Variants in FGF2 observed in about 807,000 individuals in gnomAD.
FGF2 encodes fibroblast growth factor 2.
In FGF2, 13 loss-of-function variants were observed where a neutral mutation model predicts 15.9. The observed-to-expected ratio is 0.82, with a 90% CI of 0.53 to 1.30. The LOEUF (loss-of-function observed/expected upper bound fraction) is 1.30. FGF2 is among the 50% of genes most tolerant of loss of function. The pLI is 0.00. For missense variants in FGF2, 163 were observed against 196.9 expected (o/e 0.83, Z 1.03); for synonymous variants, 90 against 78.4 (o/e 1.15, Z -0.78).
At position 122,827,501 on chromosome 4, in the gene FGF2, G is replaced by C. The variant is rs1183951914; in HGVS notation, c.178+149G>C. 3 of 879,950 alleles carry C rather than the reference G, an allele frequency of 3.4e-6. No individual in the cohort carries two copies. The highest frequency in any genetic ancestry group is 5.4e-6 in the Non-Finnish European group (3 of 556,980). 54.5% of individuals were successfully genotyped at this position (879,950 alleles called of 1,614,324 possible). A position where few individuals can be genotyped will look rare whatever the true frequency, so the allele number is the denominator to read the frequency against. On this transcript the variant is annotated intron_variant, in intron 1 of 2. Transcript: ENST00000644866. The surrounding 1 kb of genome is among the most constrained non-coding windows in gnomAD (Gnocchi z 4.2). The stretch of plus-strand genomic sequence containing the variant: ...GGCCGCGCGGCCCTCGGCGGTTTCG[G>C]GTTCACCACTCACCCCCTCCTTTCC...
chr4:122,833,074 T>A (rs308408), intron 1 of FGF2, among the ~76,000 whole-genome samples: 12,340 of 152,232 alleles, frequency 0.081, 922 homozygotes, highest in South Asian at 0.2. Flanking sequence ...ATATTCAGTG[T>A]TTATGTCTCA....
At position 122,827,126 on chromosome 4, in the gene FGF2, C is replaced by T. The variant is rs1244073982; in HGVS notation, c.-49C>T. Reference sequence around the variant, plus strand: ...GCCGGGGCCGGGGGACGGCGGCTCCCCGCGCGGCTCCAGCGGCTCGGGGAT... The same window carrying T: ...GCCGGGGCCGGGGGACGGCGGCTCCTCGCGCGGCTCCAGCGGCTCGGGGAT... On this transcript the variant is annotated 5_prime_UTR_variant, in exon 1 of 3. Transcript: ENST00000644866. This position sits in a 1 kb window ranked among gnomAD's most constrained non-coding sequence, Gnocchi z 4.2. 1.3e-5 allele frequency: 17 copies of T among 1,297,266 alleles called. 1 individual carries two copies. In the South Asian group the frequency reaches 3.9e-4, roughly 29 times the overall value. 80.4% of individuals were successfully genotyped at this position (1,297,266 alleles called of 1,614,324 possible).
chr4:122,863,234 T>G (rs140927472), intron 1 of FGF2, among the ~76,000 whole-genome samples: 217 of 152,350 alleles, frequency 1.4e-3, no homozygotes, highest in Non-Finnish European at 2.5e-3. Flanking sequence ...TCTTTATTTT[T>G]CTTAATAGTT....
chr4:122,892,609 T>G lies in FGF2; in HGVS notation c.*213T>G. On this transcript the variant is annotated 3_prime_UTR_variant, in exon 3 of 3. Coordinates refer to ENST00000644866, the MANE Select transcript of FGF2 (RefSeq NM_001361665.2). ...TATATTCTCCCTTTTATATTGCATC[T>G]GCTGTTACCCAGTGAAGCTTACCTA... 7.0e-7 allele frequency: 1 copy of G among 1,435,632 alleles called. No homozygotes were observed. The highest frequency in any genetic ancestry group is 9.1e-7 in the Non-Finnish European group (1 of 1,099,450). 88.9% of individuals were successfully genotyped at this position (1,435,632 alleles called of 1,614,324 possible). A position where few individuals can be genotyped will look rare whatever the true frequency, so the allele number is the denominator to read the frequency against.
At chr4:122,889,923 G>A (rs1054162156) in intron 2 of FGF2, 3 of 152,102 alleles carry the variant, frequency 2.0e-5, no homozygotes, top group African/African-American at 7.2e-5. Flanking sequence ...GAAGCTGATA[G>A]AACACCAACA....
intron 2 of FGF2, 79 bp from the exon 3 acceptor site, chr4:122,892,132 A>G: frequency 8.1e-7 from 1 of 1,232,092 alleles, no homozygotes; most frequent in Non-Finnish European, 1.2e-6. Context: ...TAGGCATTAT[A>G]CTATCATAAA....
chr4:122,852,347 T>C (rs41451247), intron 1 of FGF2, among the ~76,000 whole-genome samples: 9,635 of 152,226 alleles, frequency 0.063, 1,000 homozygotes, highest in African/African-American at 0.22. Flanking sequence ...TCTCTCAGGT[T>C]AGCTTGGGCT....
intron 1 of FGF2, among the ~76,000 whole-genome samples, chr4:122,867,228 G>A (rs539361543): frequency 6.6e-6 from 1 of 152,336 alleles, no homozygotes; most frequent in South Asian, 2.1e-4. Flanking sequence ...GCCCAATGCT[G>A]TGATTATAGT....
At chr4:122,879,115 CAA>C (rs1355338996) in intron 2 of FGF2, among the ~76,000 whole-genome samples, 2 of 152,146 alleles carry the variant, frequency 1.3e-5, no homozygotes, top group Non-Finnish European at 2.9e-5. Flanking sequence ...GAATACAGCT[CAA>C]AACATTAACT....
At chr4:122,829,984 A>G (rs750663076) in intron 1 of FGF2, among the ~76,000 whole-genome samples, 2 of 152,208 alleles carry the variant, frequency 1.3e-5, no homozygotes, top group Non-Finnish European at 2.9e-5. Flanking sequence ...CTACTACATT[A>G]TGGCTCAGAT....
At chr4:122,865,361 G>T (rs549685327) in intron 1 of FGF2, among the ~76,000 whole-genome samples, 65 of 152,086 alleles carry the variant, frequency 4.3e-4, no homozygotes, top group Non-Finnish European at 6.9e-4. Flanking sequence ...TGCTATCTCG[G>T]CTGACTGCAA....
chr4:122,873,322 T>A (rs1726776327), intron 1 of FGF2, among the ~76,000 whole-genome samples: 1 of 152,252 alleles, frequency 6.6e-6, no homozygotes, highest in Admixed American at 6.5e-5. Context: ...ACTGCTGCCT[T>A]GCATTCTGCA....
In FGF2 at chr4:122,827,072, C is replaced by A; in HGVS notation, c.-103C>A. 8.9e-7 allele frequency: 1 copy of A among 1,123,476 alleles called. No individual in the cohort carries two copies. Among genetic ancestry groups the A allele is most frequent in the Non-Finnish European group, 1.1e-6 (1 of 919,774 alleles). 69.6% of individuals were successfully genotyped at this position (1,123,476 alleles called of 1,614,324 possible). A position where few individuals can be genotyped will look rare whatever the true frequency, so the allele number is the denominator to read the frequency against. The stretch of plus-strand genomic sequence containing the variant: ...GGAGGCTGGGGGGCCGGGGCCGGGG[C>A]CGTGCCCCGGAGCGGGTCGGAGGCC... On this transcript the variant is annotated 5_prime_UTR_variant, in exon 1 of 3. Coordinates refer to ENST00000644866, the MANE Select transcript of FGF2 (RefSeq NM_001361665.2). The surrounding 1 kb of genome is among the most constrained non-coding windows in gnomAD (Gnocchi z 4.2).
At position 122,853,217 on chromosome 4, in the gene FGF2, G is replaced by T. The variant is rs141909871; in HGVS notation, c.179-23104G>T. ...GGAGGCTGAGGCAGGAGGATTGCTG[G>T]AGCCAGGGAAGTTGAGGCTGCAGTG... is the stretch of plus-strand genomic sequence containing the variant. On this transcript the variant is annotated intron_variant, in intron 1 of 2. Transcript: ENST00000644866. Among the ~76,000 whole-genome samples the T allele has an allele frequency of 2.6e-4, 39 of 152,284 alleles. No individual in the cohort carries two copies. In the East Asian group the frequency reaches 7.1e-3, roughly 28 times the overall value.
Position 122,826,877 on chromosome 4 carries a change from C to A in FGF2, c.-298C>A. 6.6e-7 allele frequency: 1 copy of A among 1,524,102 alleles called. No individual in the cohort carries two copies. Among genetic ancestry groups the A allele is most frequent in the South Asian group, 1.2e-5 (1 of 81,878 alleles). 94.4% of individuals were successfully genotyped at this position (1,524,102 alleles called of 1,614,324 possible). ...CCCGCGGTTGCAACGGGATCCCGGGCGCTGCAGCTTGGGAGGCGGCTCTCC... is the reference window on the plus strand; with the variant it reads ...CCCGCGGTTGCAACGGGATCCCGGGAGCTGCAGCTTGGGAGGCGGCTCTCC... On this transcript the variant is annotated 5_prime_UTR_variant, in exon 1 of 3. Transcript: ENST00000644866.
chr4:122,879,144 TC>T (rs1726913492), intron 2 of FGF2, among the ~76,000 whole-genome samples: 1 of 152,240 alleles, frequency 6.6e-6, no homozygotes, highest in Non-Finnish European at 1.5e-5. Flanking sequence ...GACTTTCACT[TC>T]TTCTACTCTG....
chr4:122,875,222 C>G (rs1298813079), intron 1 of FGF2, among the ~76,000 whole-genome samples: 1 of 151,978 alleles, frequency 6.6e-6, no homozygotes, highest in East Asian at 1.9e-4. Context: ...ATTATTTGTC[C>G]ATATTACATT....
intron 1 of FGF2, among the ~76,000 whole-genome samples, chr4:122,848,498 G>C (rs1560742076): frequency 6.6e-6 from 1 of 152,156 alleles, no homozygotes; most frequent in Non-Finnish European, 1.5e-5. Context: ...GGAGACTTGT[G>C]GTCACAGCAG....
intron 2 of FGF2, among the ~76,000 whole-genome samples, chr4:122,889,185 A>T (rs1364938618): frequency 6.6e-6 from 1 of 152,202 alleles, no homozygotes; most frequent in Non-Finnish European, 1.5e-5. Context: ...TAATAATGTT[A>T]AAATATTGTT....
Sources: allele counts gnomAD v4.1 joint callset (sites outside exome capture counted in the v4.1 genomes callset), GRCh38; gene constraint gnomAD v4.1.1; non-coding constraint Gnocchi (gnomAD v3.1); transcripts MANE v1.5; gene names NCBI Gene and HGNC (gene_info 2026-07-23, HGNC 2026-07-21).